The following AUH variants were observed in gnomAD, a reference collection of about 807,000 sequenced individuals.
AUH encodes the protein methylglutaconyl-CoA hydratase, mitochondrial.
In AUH, 29 loss-of-function variants were observed where a neutral mutation model predicts 42.3. The ratio of observed to expected loss-of-function variants is 0.69; its 90% CI spans 0.51 to 0.93. The LOEUF is 0.93. AUH is among the 40% of genes least tolerant of loss of function. AUH has a pLI of 0.00. For missense variants in AUH, 452 were observed against 438.1 expected (o/e 1.03, Z -0.28); for synonymous variants, 174 against 166.4 (o/e 1.05, Z -0.35).
At chr9:91,217,589 G>A (rs1164667026) in intron 7 of AUH, among the ~76,000 whole-genome samples, 1 of 152,174 alleles carries the variant, frequency 6.6e-6, no homozygotes, top group Non-Finnish European at 1.5e-5. Context: ...GGTAGTGCAT[G>A]TCCAGCTGTG....
At chr9:91,296,146 TTA>T in intron 5 of AUH, 69 bp from the exon 6 acceptor site, 1 of 1,438,884 alleles carries the variant, frequency 6.9e-7, no homozygotes. Flanking sequence ...CTTGAAAAAG[TTA>T]TGAGATATAC....
At chr9:91,287,782 T>C (rs763958016) in intron 6 of AUH, among the ~76,000 whole-genome samples, 5 of 152,082 alleles carry the variant, frequency 3.3e-5, no homozygotes, top group South Asian at 2.1e-4. Flanking sequence ...CAATTATGAA[T>C]CATATATTAA....
intron 6 of AUH, among the ~76,000 whole-genome samples, chr9:91,285,718 T>G (rs1826349445): frequency 6.6e-6 from 1 of 152,092 alleles, no homozygotes; most frequent in East Asian, 1.9e-4. Flanking sequence ...AGTCAGCAAA[T>G]AACTCCCAAA....
chr9:91,269,690 T>G (rs1824956781), intron 6 of AUH, among the ~76,000 whole-genome samples: 1 of 152,200 alleles, frequency 6.6e-6, no homozygotes, highest in Non-Finnish European at 1.5e-5. Context: ...GGGATATATT[T>G]TGTTCATTTT....
At chr9:91,336,873 A>G (rs1365654220) in intron 3 of AUH, among the ~76,000 whole-genome samples, 2 of 152,198 alleles carry the variant, frequency 1.3e-5, no homozygotes, top group Admixed American at 6.5e-5. Context: ...TTTAAAGAGG[A>G]CAGCCATATT....
chr9:91,318,989 A>G (rs957805904), intron 4 of AUH, among the ~76,000 whole-genome samples: 1 of 152,226 alleles, frequency 6.6e-6, no homozygotes, highest in African/African-American at 2.4e-5. Flanking sequence ...TGACTATTCC[A>G]GCCCATGATT....
intron 6 of AUH, among the ~76,000 whole-genome samples, chr9:91,268,843 T>A: frequency 6.6e-6 from 1 of 152,242 alleles, no homozygotes. Flanking sequence ...ATTGTGATGC[T>A]TCTAAATATA....
chr9:91,311,434 T>A (rs1828694285), intron 4 of AUH, among the ~76,000 whole-genome samples: 1 of 152,300 alleles, frequency 6.6e-6, no homozygotes, highest in South Asian at 2.1e-4. Context: ...CTGTGGAAGA[T>A]CATTTACAAA....
At chr9:91,350,053 G>A (rs1200706448) in intron 3 of AUH, among the ~76,000 whole-genome samples, 1 of 152,084 alleles carries the variant, frequency 6.6e-6, no homozygotes, top group African/African-American at 2.4e-5. Flanking sequence ...TAAAATTTGG[G>A]GTATAGCACA....
At chr9:91,290,474 T>C (rs114308933) in intron 6 of AUH, among the ~76,000 whole-genome samples, 3,843 of 152,286 alleles carry the variant, frequency 0.025, 77 homozygotes, top group East Asian at 0.066. Context: ...CATGGGAATA[T>C]GTCAAAGCAT....
Position 91,214,352 on chromosome 9 carries a change from T to C in AUH, c.1016A>G (p.Glu339Gly). 1 of 1,606,840 alleles carries C rather than the reference T, an allele frequency of 6.2e-7. No homozygotes were observed. The highest frequency in any genetic ancestry group is 8.5e-7 in the Non-Finnish European group (1 of 1,175,614). ...TCTTAAGAATTTCTGTTCCTTTTAT[T>C]CTCCTTTATAGCGAGGGGGCCTTTT... The part of the protein sequence containing the change: ...KEKRPPRYKG[E>G] Residue 339 changes from glutamate to glycine, a missense_variant, in exon 10 of 10, where the codon GAA becomes GGA. Transcript: ENST00000375731.
At chr9:91,360,162 T>C (rs1038592592) in intron 1 of AUH, 2 of 152,200 alleles carry the variant, frequency 1.3e-5, no homozygotes, top group African/African-American at 4.8e-5. Flanking sequence ...ATTCAAGTCA[T>C]AACGACCAAA....
intron 6 of AUH, among the ~76,000 whole-genome samples, chr9:91,233,927 T>G (rs1357072042): frequency 6.6e-6 from 1 of 152,208 alleles, no homozygotes; most frequent in Non-Finnish European, 1.5e-5. Context: ...TTAACACCAG[T>G]GATTCCATTT....
At chr9:91,221,354 A>T (rs1394548819) in intron 6 of AUH, among the ~76,000 whole-genome samples, 1 of 152,242 alleles carries the variant, frequency 6.6e-6, no homozygotes, top group Non-Finnish European at 1.5e-5. Flanking sequence ...AGAAAGGCAG[A>T]GTTCCACCAA....
At chr9:91,275,083 G>T (rs925139622) in intron 6 of AUH, among the ~76,000 whole-genome samples, 3 of 152,172 alleles carry the variant, frequency 2.0e-5, no homozygotes, top group Admixed American at 6.5e-5. Context: ...CACACACTGG[G>T]TGGTGATCTA....
intron 4 of AUH, among the ~76,000 whole-genome samples, chr9:91,302,923 G>A (rs1173151665): frequency 1.3e-5 from 2 of 152,156 alleles, no homozygotes; most frequent in South Asian, 2.1e-4. Flanking sequence ...CGAATCCAAC[G>A]AGCAATGGCT....
chr9:91,341,345 C>A (rs988416999), intron 3 of AUH, among the ~76,000 whole-genome samples: 35 of 152,168 alleles, frequency 2.3e-4, no homozygotes, highest in African/African-American at 8.0e-4. Flanking sequence ...CAGCTGTGCT[C>A]CTCCAAGACA....
intron 6 of AUH, among the ~76,000 whole-genome samples, chr9:91,282,140 A>C (rs957965265): frequency 3.3e-5 from 5 of 152,072 alleles, no homozygotes; most frequent in Non-Finnish European, 7.4e-5. Flanking sequence ...GATGTGGTGA[A>C]TGTTCCAAGC....
chr9:91,351,217 T>TA (rs1831953942), intron 3 of AUH, among the ~76,000 whole-genome samples: 1 of 152,132 alleles, frequency 6.6e-6, no homozygotes, highest in South Asian at 2.1e-4. Flanking sequence ...GCCAACTGCC[T>TA]ACCTCGGCCT....
Sources: allele counts gnomAD v4.1 joint callset (sites outside exome capture counted in the v4.1 genomes callset), GRCh38; gene constraint gnomAD v4.1.1; transcripts MANE v1.5; gene names NCBI Gene and HGNC (gene_info 2026-07-23, HGNC 2026-07-21).